Variants in FAM131B observed in about 807,000 individuals in gnomAD.
FAM131B encodes the protein protein FAM131B.
In FAM131B, 19 loss-of-function variants were observed where a neutral mutation model predicts 42.0. The ratio of observed to expected loss-of-function variants is 0.45; its 90% CI spans 0.32 to 0.66. The LOEUF (loss-of-function observed/expected upper bound fraction) is 0.66, where lower values mean the gene tolerates loss of function less well. Ranked by LOEUF, FAM131B falls within the 30% of genes least tolerant of loss-of-function variation. The pLI, the probability that FAM131B is intolerant of heterozygous loss-of-function variation, is 0.05. For missense variants in FAM131B, 370 were observed against 468.4 expected (o/e 0.79, Z 1.94); for synonymous variants, 183 against 177.6 (o/e 1.03, Z -0.24).
chr7:143,369,592 T>C, the FAM131B span, among the ~76,000 whole-genome samples: 1 of 151,354 alleles, frequency 6.6e-6, no homozygotes, highest in South Asian at 2.1e-4. Context: ...GGAGAATTGC[T>C]TGAACCCAGG....
chr7:143,362,106 A>T lies in FAM131B; in HGVS notation c.28+470T>A. The T allele has an allele frequency of 1.1e-6, 1 of 930,722 alleles. No individual in the cohort carries two copies. The highest frequency in any genetic ancestry group is 1.3e-6 in the Non-Finnish European group (1 of 779,654). The allele number at this position is 930,722 out of a possible 1,614,324, so 57.7% of individuals were successfully genotyped here. A position where few individuals can be genotyped will look rare whatever the true frequency, so the allele number is the denominator to read the frequency against. On this transcript the variant is annotated intron_variant, in intron 1 of 6. Coordinates refer to ENST00000443739, the MANE Select transcript of FAM131B (RefSeq NM_001031690.3). The surrounding 1 kb of genome is among the most constrained non-coding windows in gnomAD (Gnocchi z 7.7). ...GGGGCAAAGCACCCGAGCCAGATGG[A>T]GGCGGCGGCGGGGGGTGGCGTGGGG... is the stretch of plus-strand genomic sequence containing the variant.
In FAM131B at chr7:143,354,632, T is replaced by A. The variant is rs944232130; in HGVS notation, c.*1918A>T. On this transcript the variant is annotated 3_prime_UTR_variant, in exon 7 of 7. Coordinates refer to ENST00000443739, the MANE Select transcript of FAM131B (RefSeq NM_001031690.3). ...CTCCTGGAAATGAGGTCCTGGGACATGGAGTCAGCACACGTTAGCAAGCAC... is the reference window on the plus strand; with the variant it reads ...CTCCTGGAAATGAGGTCCTGGGACAAGGAGTCAGCACACGTTAGCAAGCAC... The A allele has an allele frequency of 6.6e-6, 1 of 152,196 alleles. No homozygotes were observed. The highest frequency in any genetic ancestry group is 2.4e-5 in the African/African-American group (1 of 41,424). 9.4% of individuals were successfully genotyped at this position (152,196 alleles called of 1,614,324 possible). A position where few individuals can be genotyped will look rare whatever the true frequency, so the allele number is the denominator to read the frequency against.
At chr7:143,372,391 G>A in the FAM131B span, among the ~76,000 whole-genome samples, 1 of 152,176 alleles carries the variant, frequency 6.6e-6, no homozygotes, top group African/African-American at 2.4e-5. Context: ...GGACGTGAAT[G>A]GCAAGTTCCA....
In FAM131B at chr7:143,362,605, G is replaced by A. The variant is rs1305140229; in HGVS notation, c.-2C>T. The A allele has an allele frequency of 9.0e-6, 11 of 1,217,798 alleles. No homozygotes were observed. In the South Asian group the frequency reaches 4.1e-4, roughly 46 times the overall value. 75.4% of individuals were successfully genotyped at this position (1,217,798 alleles called of 1,614,324 possible). A position where few individuals can be genotyped will look rare whatever the true frequency, so the allele number is the denominator to read the frequency against. The stretch of plus-strand genomic sequence containing the variant: ...AGTCCGGGAGCCGATGCAGCCCATG[G>A]CTCCGGGGGCCGCAGAGCCGGGCCC... On this transcript the variant is annotated 5_prime_UTR_variant, in exon 1 of 7. Transcript: ENST00000443739. This position sits in a 1 kb window ranked among gnomAD's most constrained non-coding sequence, Gnocchi z 7.7.
chr7:143,374,423 TCCTC>T, the FAM131B span, among the ~76,000 whole-genome samples: 1 of 152,158 alleles, frequency 6.6e-6, no homozygotes, highest in Non-Finnish European at 1.5e-5. Context: ...TCCACAAATC[TCCTC>T]CCTTTCACCT....
At position 143,358,376 on chromosome 7, in the gene FAM131B, C is replaced by T. The variant is rs1310842124; in HGVS notation, c.466+451G>A. ...CTGGAACTAAACCTCTTCTGTAGGC[C>T]TCCCGTCTCTCACACAGTTCCCTTA... is the stretch of plus-strand genomic sequence containing the variant. On this transcript the variant is annotated intron_variant, in intron 5 of 6. Coordinates refer to ENST00000443739, the MANE Select transcript of FAM131B (RefSeq NM_001031690.3). The surrounding 1 kb of genome is among the most constrained non-coding windows in gnomAD (Gnocchi z 4.7). Among the ~76,000 whole-genome samples, 2 of 152,204 alleles carry T rather than the reference C, an allele frequency of 1.3e-5. No homozygotes were observed. Among genetic ancestry groups the T allele is most frequent in the African/African-American group, 4.8e-5 (2 of 41,448 alleles).
Position 143,353,958 on chromosome 7 carries a change from GT to G in FAM131B, c.*2591del, listed in dbSNP as rs1803541285. 6.6e-6 allele frequency: 1 copy of G among 151,390 alleles called. No individual in the cohort carries two copies. Among genetic ancestry groups the G allele is most frequent in the African/African-American group, 2.4e-5 (1 of 41,048 alleles). The allele number at this position is 151,390 out of a possible 1,614,324, so 9.4% of individuals were successfully genotyped here. Reference sequence around the variant, plus strand: ...CCCTGTTCCAGGACTGCTGTAAAACGTGCTGCACAGCCTTAACCCCAAAGGA... The same window carrying G: ...CCCTGTTCCAGGACTGCTGTAAAACGGCTGCACAGCCTTAACCCCAAAGGA... On this transcript the variant is annotated 3_prime_UTR_variant, in exon 7 of 7. Transcript: ENST00000443739.
chr7:143,374,393 T>C, the FAM131B span, among the ~76,000 whole-genome samples: 24 of 152,272 alleles, frequency 1.6e-4, no homozygotes, highest in East Asian at 3.3e-3. Flanking sequence ...AGCTCTCTAC[T>C]CTATCCACTT....
Position 143,356,920 on chromosome 7 carries a change from G to C in FAM131B, c.713C>G (p.Ser238Cys). Residue 238 changes from serine (S) to cysteine (C), a missense_variant, in exon 7 of 7, where the codon TCC becomes TGC. Ser to Cys is a moderately radical substitution (Grantham distance 112, BLOSUM62 -1). Coordinates refer to ENST00000443739, the MANE Select transcript of FAM131B (RefSeq NM_001031690.3). This position sits in a 1 kb window ranked among gnomAD's most constrained non-coding sequence, Gnocchi z 4.4. ...SSDAWEASDQ[S>C]LIASPATGSY... ...TCCTGTGGCCGGAGAGGCAATGAGG[G>C]ACTGATCGCTGGCTTCCCAGGCATC... 1.9e-6 allele frequency: 3 copies of C among 1,614,070 alleles called. No homozygotes were observed. The highest frequency in any genetic ancestry group is 2.5e-6 in the Non-Finnish European group (3 of 1,180,000).
chr7:143,373,857 C>T, the FAM131B span, among the ~76,000 whole-genome samples: 322 of 152,302 alleles, frequency 2.1e-3, 1 homozygote, highest in African/African-American at 7.5e-3. Context: ...GGGCAAGGCA[C>T]TCCTGCGCTC....
the FAM131B span, among the ~76,000 whole-genome samples, chr7:143,377,312 G>A: frequency 6.6e-5 from 10 of 152,198 alleles, no homozygotes; most frequent in South Asian, 2.1e-4. Context: ...ACAAAAGCAC[G>A]TATACATATA....
chr7:143,381,505 C>G, the FAM131B span: 1 of 1,534,872 alleles, frequency 6.5e-7, no homozygotes, highest in African/African-American at 1.4e-5. Context: ...CTGGGACCGC[C>G]TGGGGCTCCT....
At position 143,362,581 on chromosome 7, in the gene FAM131B, G is replaced by T. The variant is rs1804055013; in HGVS notation, c.23C>A (p.Thr8Asn). 9.0e-6 allele frequency: 11 copies of T among 1,222,542 alleles called. No homozygotes were observed. Among genetic ancestry groups the T allele is most frequent in the Non-Finnish European group, 1.1e-5 (11 of 981,768 alleles). 75.7% of individuals were successfully genotyped at this position (1,222,542 alleles called of 1,614,324 possible). MGCIGSR[T>N]VGNEVIAVDW... Reference sequence around the variant, plus strand: ...CGCCCGGCCGCGGTACCCACCCACAGTCCGGGAGCCGATGCAGCCCATGGC... The same window carrying T: ...CGCCCGGCCGCGGTACCCACCCACATTCCGGGAGCCGATGCAGCCCATGGC... The change falls in exon 1 of 7, where the codon ACT (threonine) becomes AAT (asparagine). Residue 8 changes from threonine (T) to asparagine (N), a missense_variant. By Grantham distance (65) the Thr-to-Asn change is moderately conservative. Transcript: ENST00000443739. The surrounding 1 kb of genome is among the most constrained non-coding windows in gnomAD (Gnocchi z 7.7).
In FAM131B at chr7:143,359,908, T is replaced by G; in HGVS notation, c.138+132A>C. The G allele has an allele frequency of 1.0e-6, 1 of 992,480 alleles. No homozygotes were observed. The highest frequency in any genetic ancestry group is 1.6e-6 in the Non-Finnish European group (1 of 642,600). The allele number at this position is 992,480 out of a possible 1,614,324, so 61.5% of individuals were successfully genotyped here. ...TTGATGCCGCTAACTGGGTTCTCCA[T>G]GTGGACTGCTTGGCATGTGTTGTGA... On this transcript the variant is annotated intron_variant, in intron 2 of 6. Coordinates refer to ENST00000443739, the MANE Select transcript of FAM131B (RefSeq NM_001031690.3). This position sits in a 1 kb window ranked among gnomAD's most constrained non-coding sequence, Gnocchi z 5.4.
chr7:143,372,317 C>T, the FAM131B span, among the ~76,000 whole-genome samples: 1 of 152,194 alleles, frequency 6.6e-6, no homozygotes, highest in African/African-American at 2.4e-5. Flanking sequence ...GAAAGAGGCA[C>T]AGGAAGTTGA....
At chr7:143,377,249 C>T in the FAM131B span, among the ~76,000 whole-genome samples, 6 of 152,158 alleles carry the variant, frequency 3.9e-5, no homozygotes, top group Admixed American at 1.3e-4. Context: ...TGAGCCACTG[C>T]GCCTGGCTGT....
chr7:143,362,765 TCGCCGC>T (rs559900593), upstream of FAM131B: 11 of 237,798 alleles, frequency 4.6e-5, no homozygotes, highest in East Asian at 3.3e-4. The surrounding 1 kb of genome is among the most constrained non-coding windows in gnomAD (Gnocchi z 7.7). Context: ...GGCAGCTCCG[TCGCCGC>T]CGCCGCCGCC....
the FAM131B span, chr7:143,381,256 G>A: frequency 1.7e-5 from 18 of 1,034,808 alleles, no homozygotes; most frequent in East Asian, 1.4e-3. Flanking sequence ...TGGTCTGGGC[G>A]CCGCTCTCTC....
At chr7:143,382,283 G>C in the FAM131B span, 1 of 1,612,906 alleles carries the variant, frequency 6.2e-7, no homozygotes, top group Non-Finnish European at 8.5e-7. Context: ...TGCTGGGGAT[G>C]GCGACGATGC....
Sources: allele counts gnomAD v4.1 joint callset (sites outside exome capture counted in the v4.1 genomes callset), GRCh38; gene constraint gnomAD v4.1.1; non-coding constraint Gnocchi (gnomAD v3.1); transcripts MANE v1.5; gene names NCBI Gene and HGNC (gene_info 2026-07-23, HGNC 2026-07-21).